MCM8: variants seen among roughly 807,000 people sequenced by gnomAD.
MCM8 encodes the protein minichromosome maintenance 8 homologous recombination repair factor.
A neutral mutation model predicts 98.9 loss-of-function variants in MCM8; 85 were observed. The observed-to-expected ratio is 0.86, with a 90% CI of 0.72 to 1.03. The LOEUF is 1.03. Among genes scored for constraint, MCM8 ranks in the 50% least tolerant of loss-of-function variants. The pLI, the probability that MCM8 is intolerant of heterozygous loss-of-function variation, is 0.00. For synonymous variants in MCM8, 352 were observed against 338.6 expected, an observed-to-expected ratio of 1.04 and a Z score of -0.44; for missense variants, 951 against 997.8, an observed-to-expected ratio of 0.95 and a Z score of 0.63.
Position 5,955,100 on chromosome 20 carries a change from A to G in MCM8, c.337-2A>G. 3 of 1,573,552 alleles carry G rather than the reference A, an allele frequency of 1.9e-6. No individual in the cohort carries two copies. Among genetic ancestry groups the G allele is most frequent in the Non-Finnish European group, 2.6e-6 (3 of 1,148,824 alleles). On this transcript the variant is annotated splice_acceptor_variant, in intron 4 of 18. Coordinates refer to ENST00000610722, the MANE Select transcript of MCM8 (RefSeq NM_032485.6). LOFTEE classifies it high-confidence loss of function. ...TTGTTTTCATACTTTTATATTTTATAGGATGAAATAGAAAGAAAGGGAAGT... is the reference window on the plus strand; with the variant it reads ...TTGTTTTCATACTTTTATATTTTATGGGATGAAATAGAAAGAAAGGGAAGT...
Position 5,993,539 on chromosome 20 carries a change from C to T in MCM8, c.2274C>T (p.Asn758=). Residue 758 remains asparagine (N), a synonymous_variant, in exon 18 of 19, where the codon AAC becomes AAT. Transcript: ENST00000610722. ...MLGTYSDEFG[N]LDFERSQHGS... ...GAACTTACTCTGATGAATTTGGGAA[C>T]CTAGATTTTGAGCGATCCCAGCATG... is the stretch of plus-strand genomic sequence containing the variant. 6.3e-7 allele frequency: 1 copy of T among 1,579,440 alleles called. No homozygotes were observed. Among genetic ancestry groups the T allele is most frequent in the Non-Finnish European group, 8.6e-7 (1 of 1,158,630 alleles).
At position 5,985,997 on chromosome 20, in the gene MCM8, G is replaced by A; in HGVS notation, c.2029G>A (p.Val677Met). The A allele has an allele frequency of 6.2e-7, 1 of 1,614,244 alleles. No homozygotes were observed. Among genetic ancestry groups the A allele is most frequent in the Non-Finnish European group, 8.5e-7 (1 of 1,180,052 alleles). The change falls in exon 16 of 19, where the codon GTG becomes ATG. Residue 677 changes from valine to methionine, a missense_variant. By Grantham distance (21) the Val-to-Met change is conservative (BLOSUM62 1). Transcript: ENST00000610722. ...GTACATTGGCTATGCTCGGCAGTAT[G>A]TGTACCCAAGGCTATCCACAGAAGC... The part of the protein sequence containing the change: ...RKYIGYARQY[V>M]YPRLSTEAAR...
At chr20:5,957,684 C>A (rs1186017105) in intron 6 of MCM8, among the ~76,000 whole-genome samples, 1 of 152,138 alleles carries the variant, frequency 6.6e-6, no homozygotes, top group Non-Finnish European at 1.5e-5. Context: ...TTTGGAAGTC[C>A]AAAAATTCCA....
chr20:5,981,603 G>T (rs967050739), intron 13 of MCM8, among the ~76,000 whole-genome samples: 3 of 152,164 alleles, frequency 2.0e-5, no homozygotes, highest in Admixed American at 6.5e-5. Flanking sequence ...GTATTGACAA[G>T]AATTCATATA....
In MCM8 at chr20:5,963,525, CTTTTTTTTTT is replaced by C. The variant is rs34718923; in HGVS notation, c.875+178_875+187del. Reference sequence around the variant, plus strand: ...GAAGAGTTTGTATGTTAAAATAATTCTTTTTTTTTTTTTTTTTTTTTGAGACGGAGTCTTG... The same window carrying C: ...GAAGAGTTTGTATGTTAAAATAATTCTTTTTTTTTTTGAGACGGAGTCTTG... On this transcript the variant is annotated intron_variant, in intron 8 of 18. Transcript: ENST00000610722. 3.1e-3 allele frequency among the ~76,000 whole-genome samples: 342 copies of C among 110,460 alleles called. 2 individuals are homozygous for C. Among genetic ancestry groups the C allele is most frequent in the African/African-American group, 0.013 (309 of 24,692 alleles). The allele number at this position is 110,460 out of a possible 152,430, so 72.5% of individuals were successfully genotyped here.
At chr20:5,990,379 A>G (rs1186503574) in intron 17 of MCM8, among the ~76,000 whole-genome samples, 1 of 152,090 alleles carries the variant, frequency 6.6e-6, no homozygotes, top group Non-Finnish European at 1.5e-5. Context: ...GCCTGACATC[A>G]CACAGTCCTT....
chr20:5,969,582 ACT>A (rs1016776703), intron 10 of MCM8, among the ~76,000 whole-genome samples: 5 of 136,792 alleles, frequency 3.7e-5, no homozygotes, highest in East Asian at 2.1e-4. Flanking sequence ...ACAGAGCAAG[ACT>A]CTGTCTCACA....
chr20:5,972,364 T>A (rs948300493), intron 11 of MCM8, among the ~76,000 whole-genome samples: 1 of 151,364 alleles, frequency 6.6e-6, no homozygotes, highest in African/African-American at 2.4e-5. Flanking sequence ...CACCACCATG[T>A]GCAGCTAATT....
At chr20:5,989,156 G>A (rs910236879) in intron 17 of MCM8, among the ~76,000 whole-genome samples, 7 of 134,544 alleles carry the variant, frequency 5.2e-5, no homozygotes, top group Admixed American at 2.4e-4. Flanking sequence ...TGGCTCTGTC[G>A]CCCGGGCTGG....
rs1435119035 is a variant in MCM8 at position 5,958,533 on chromosome 20, A to T, written c.596A>T (p.Tyr199Phe). The T allele has an allele frequency of 6.2e-7, 1 of 1,613,668 alleles. No homozygotes were observed. Among genetic ancestry groups the T allele is most frequent in the East Asian group, 2.2e-5 (1 of 44,862 alleles). ...VNVPHIHARVYNYEPLTQLKN... is the reference protein window; with the variant it reads ...VNVPHIHARVFNYEPLTQLKN... ...ACTTCCTGTTTTGTCTTTAGGGTGT[A>T]CAACTATGAGCCTTTGACACAGCTC... is the stretch of plus-strand genomic sequence containing the variant. Residue 199 changes from tyrosine (Y) to phenylalanine (F), a missense_variant, in exon 7 of 19, where the codon TAC (tyrosine) becomes TTC (phenylalanine). Physicochemically the swap from Tyr to Phe is conservative, Grantham distance 22. Coordinates refer to ENST00000610722, the MANE Select transcript of MCM8 (RefSeq NM_032485.6).
At chr20:5,962,278 G>A (rs1394754410) in intron 7 of MCM8, among the ~76,000 whole-genome samples, 1 of 150,188 alleles carries the variant, frequency 6.7e-6, no homozygotes. Flanking sequence ...CAACATCACT[G>A]TGTCACATTC....
intron 13 of MCM8, 56 bp downstream of exon 13, chr20:5,978,073 C>T (rs764475923): frequency 1.3e-6 from 2 of 1,592,980 alleles, no homozygotes; most frequent in South Asian, 2.2e-5. Flanking sequence ...AAGCCTTTTC[C>T]TTTTCAGTTA....
In MCM8 at chr20:5,994,790, T is replaced by TCTCAG. The variant is rs748529134; in HGVS notation, c.*402_*406dup. The TCTCAG allele has an allele frequency of 4.6e-6, 2 of 438,366 alleles. No individual in the cohort carries two copies. Among genetic ancestry groups the TCTCAG allele is most frequent in the South Asian group, 1.6e-5 (1 of 61,694 alleles). 27.2% of individuals were successfully genotyped at this position (438,366 alleles called of 1,614,324 possible). ...TGGGTATGGTGGCACATGCCTATAGTCTCAGCTACTTGTGAGGCTGAGGCA... is the reference window on the plus strand; with the variant it reads ...TGGGTATGGTGGCACATGCCTATAGTCTCAGCTCAGCTACTTGTGAGGCTGAGGCA... On this transcript the variant is annotated 3_prime_UTR_variant, in exon 19 of 19. Transcript: ENST00000610722.
intron 13 of MCM8, among the ~76,000 whole-genome samples, chr20:5,982,309 G>A (rs963480579): frequency 3.3e-5 from 5 of 152,126 alleles, no homozygotes; most frequent in South Asian, 2.1e-4. Flanking sequence ...GAGTAGATAC[G>A]GAGGGGTTTA....
chr20:5,982,925 C>G, intron 13 of MCM8, 45 bp from the exon 14 acceptor site: 6 of 1,533,208 alleles, frequency 3.9e-6, no homozygotes, highest in Non-Finnish European at 5.3e-6. Flanking sequence ...TGGAACTTGA[C>G]CAAAGAAAAA....
chr20:5,959,278 A>G (rs1282217920), intron 7 of MCM8, among the ~76,000 whole-genome samples: 1 of 152,230 alleles, frequency 6.6e-6, no homozygotes, highest in Non-Finnish European at 1.5e-5. Context: ...TAACAAAAAT[A>G]TGGTTATATA....
At chr20:5,984,681 G>A (rs2089694116) in intron 14 of MCM8, 100 bp from the exon 15 acceptor site, 3 of 969,602 alleles carry the variant, frequency 3.1e-6, no homozygotes, top group East Asian at 4.9e-5. Flanking sequence ...GGTTTTTCAA[G>A]TTCTGCGTGG....
chr20:5,952,568 T>C (rs766843893), intron 3 of MCM8, 40 bp downstream of exon 3: 8 of 1,516,920 alleles, frequency 5.3e-6, no homozygotes, highest in Admixed American at 1.7e-5. Flanking sequence ...ATAAATCATA[T>C]TTTCTTAACT....
At chr20:5,984,688 G>T (rs1244736912) in intron 14 of MCM8, 93 bp from the exon 15 acceptor site, 24 of 1,033,674 alleles carry the variant, frequency 2.3e-5, no homozygotes, top group Non-Finnish European at 3.3e-5. Flanking sequence ...CAAGTTCTGC[G>T]TGGAACTTGA....
Sources: gnomAD v4.1 joint callset for allele counts (sites outside exome capture counted in the v4.1 genomes callset) on GRCh38, gnomAD v4.1.1 for gene constraint, MANE v1.5 for transcripts, NCBI Gene and HGNC (gene_info 2026-07-23, HGNC 2026-07-21) for gene names.